Variants in APBA3 observed in about 807,000 individuals in gnomAD.
APBA3 encodes amyloid-beta A4 precursor protein-binding family A member 3.
In APBA3, 45 loss-of-function variants were observed where a neutral mutation model predicts 55.9. The observed-to-expected ratio is 0.80, with a 90% CI of 0.63 to 1.03. APBA3 has a LOEUF of 1.03. APBA3 is among the 50% of genes least tolerant of loss of function. The pLI is 0.00. For synonymous variants in APBA3, 370 were observed against 353.3 expected (o/e 1.05, Z -0.53); for missense variants, 865 against 820.3 (o/e 1.05, Z -0.67).
At position 3,759,871 on chromosome 19, in the gene APBA3, G is replaced by C. The variant is rs1307311144; in HGVS notation, c.394C>G (p.Leu132Val). The C allele has an allele frequency of 6.2e-7, 1 of 1,612,530 alleles. No individual in the cohort carries two copies. Among genetic ancestry groups the C allele is most frequent in the Non-Finnish European group, 8.5e-7 (1 of 1,179,804 alleles). ...PPSQTGPEEP[L>V]EPAPRLLQPP... ...TGCAACAGTCGGGGGGCAGGCTCTAGAGGCTCTTCAGGACCAGTCTGGGAA... is the reference window on the plus strand; with the variant it reads ...TGCAACAGTCGGGGGGCAGGCTCTACAGGCTCTTCAGGACCAGTCTGGGAA... The change falls in exon 2 of 11, where the codon CTA (leucine) becomes GTA (valine). Residue 132 changes from leucine (L) to valine (V), a missense_variant. Leu to Val is a conservative substitution (Grantham distance 32, BLOSUM62 1). Coordinates refer to ENST00000316757, the MANE Select transcript of APBA3 (RefSeq NM_004886.4).
chr19:3,751,923 A>C, intron 8 of APBA3: 2 of 258,682 alleles, frequency 7.7e-6, no homozygotes, highest in Non-Finnish European at 7.4e-6. Context: ...GAGACTCAAA[A>C]ACATGGCCAG....
intron 8 of APBA3, chr19:3,751,788 C>T (rs1030844063): frequency 2.0e-5 from 11 of 543,586 alleles, no homozygotes; most frequent in Admixed American, 1.5e-4. Context: ...AGCCGACAGC[C>T]GGGCTCTCCA....
At position 3,754,389 on chromosome 19, in the gene APBA3, G is replaced by T. The variant is rs1455990695; in HGVS notation, c.617-49C>A. 2.6e-6 allele frequency: 4 copies of T among 1,525,302 alleles called. No homozygotes were observed. The Admixed American group carries it at 7.3e-5, about 28-fold the overall frequency. The allele number at this position is 1,525,302 out of a possible 1,614,324, so 94.5% of individuals were successfully genotyped here. A position where few individuals can be genotyped will look rare whatever the true frequency, so the allele number is the denominator to read the frequency against. The stretch of plus-strand genomic sequence containing the variant: ...CGGCCCCCAGGGGCCCACTCCCACA[G>T]GCTCTGCCCCAGGGCTACGCTCTCC... On this transcript the variant is annotated intron_variant, in intron 3 of 10. Coordinates refer to ENST00000316757, the MANE Select transcript of APBA3 (RefSeq NM_004886.4).
rs1476296792 is a variant in APBA3, at chr19:3,751,227, C to T, written c.1618G>A (p.Ala540Thr). The T allele has an allele frequency of 4.5e-6, 7 of 1,549,068 alleles. No individual in the cohort carries two copies. The highest frequency in any genetic ancestry group is 5.2e-6 in the Non-Finnish European group (6 of 1,148,426). The stretch of plus-strand genomic sequence containing the variant: ...TCGGTGAGCAGCTCGATGATGCGGG[C>T]GTGTGGCGTGGCCACCACACTCTGC... ...NGQSVVATPH[A>T]RIIELLTEAY... is the part of the protein sequence containing the mutation. Residue 540 changes from alanine to threonine, a missense_variant, in exon 10 of 11, where the codon GCC (alanine) becomes ACC (threonine). Ala to Thr is a moderately conservative substitution (Grantham distance 58, BLOSUM62 0). Transcript: ENST00000316757.
chr19:3,753,976 G>A (rs370443318), intron 5 of APBA3, 43 bp downstream of exon 5: 261 of 1,580,248 alleles, frequency 1.7e-4, no homozygotes, highest in Non-Finnish European at 2.1e-4. Flanking sequence ...TGCCAGGCTC[G>A]ATCACCCCAC....
intron 8 of APBA3, among the ~76,000 whole-genome samples, chr19:3,752,214 A>C (rs991957400): frequency 6.6e-6 from 1 of 152,114 alleles, no homozygotes; most frequent in Non-Finnish European, 1.5e-5. Context: ...TGTCTCAAAC[A>C]AACAAACCCC....
chr19:3,761,318 T>A (rs2037143870), intron 1 of APBA3, among the ~76,000 whole-genome samples: 2 of 151,550 alleles, frequency 1.3e-5, no homozygotes, highest in Admixed American at 1.3e-4. Flanking sequence ...AATACCTCCA[T>A]CCAGAACTTT....
At chr19:3,760,705 C>G (rs913267928) in intron 1 of APBA3, among the ~76,000 whole-genome samples, 1 of 149,438 alleles carries the variant, frequency 6.7e-6, no homozygotes, top group African/African-American at 2.5e-5. Context: ...GCTGAGATCG[C>G]GCCATTGCAC....
intron 5 of APBA3, 44 bp from the exon 6 acceptor site, chr19:3,753,970 A>C (rs2037043560): frequency 6.4e-7 from 1 of 1,573,636 alleles, no homozygotes. Flanking sequence ...GGGCCGTGCC[A>C]GGCTCGATCA....
chr19:3,759,467 G>T (rs559967432), intron 3 of APBA3, 94 bp downstream of exon 3: 5 of 1,292,216 alleles, frequency 3.9e-6, no homozygotes, highest in Non-Finnish European at 5.4e-6. Context: ...CGAGAACCTC[G>T]TCCTTACTGG....
At position 3,750,923 on chromosome 19, in the gene APBA3, C is replaced by T. The variant is rs2036987651; in HGVS notation, c.*103G>A. 2.3e-6 allele frequency: 3 copies of T among 1,317,852 alleles called. No homozygotes were observed. Among genetic ancestry groups the T allele is most frequent in the Non-Finnish European group, 2.1e-6 (2 of 935,324 alleles). The allele number at this position is 1,317,852 out of a possible 1,614,324, so 81.6% of individuals were successfully genotyped here. ...ACTGTTTTTATATTAGGAAATCATA[C>T]AGGACCAAGAACCGCTGGGGTCCTG... On this transcript the variant is annotated 3_prime_UTR_variant, in exon 11 of 11. Transcript: ENST00000316757.
intron 8 of APBA3, 126 bp from the exon 9 acceptor site, chr19:3,751,679 G>T: frequency 1.8e-6 from 2 of 1,118,626 alleles, no homozygotes; most frequent in African/African-American, 1.6e-5. Context: ...AATTCTGGAA[G>T]ACCCCCTCAG....
Position 3,759,852 on chromosome 19 carries a change from A to G in APBA3, c.413T>C (p.Leu138Pro). ...PEEPLEPAPR[L>P]LQPPEDPDED... is the part of the protein sequence containing the mutation. Reference sequence around the variant, plus strand: ...ATCTGGGTCCTCAGGGGGCTGCAACAGTCGGGGGGCAGGCTCTAGAGGCTC... The same window carrying G: ...ATCTGGGTCCTCAGGGGGCTGCAACGGTCGGGGGGCAGGCTCTAGAGGCTC... Residue 138 changes from leucine to proline, a missense_variant, in exon 2 of 11, where the codon CTG (leucine) becomes CCG (proline). Leu to Pro is a moderately conservative substitution (Grantham distance 98). Coordinates refer to ENST00000316757, the MANE Select transcript of APBA3 (RefSeq NM_004886.4). The G allele has an allele frequency of 6.2e-7, 1 of 1,612,426 alleles. No individual in the cohort carries two copies. Among genetic ancestry groups the G allele is most frequent in the East Asian group, 2.2e-5 (1 of 44,858 alleles).
At chr19:3,755,360 G>C (rs528933498) in intron 3 of APBA3, 1 of 152,204 alleles carries the variant, frequency 6.6e-6, no homozygotes, top group African/African-American at 2.4e-5. Context: ...TGTGGTTCTA[G>C]AATCTCCTTC....
rs767017339 is a variant in APBA3, at chr19:3,754,284, A to C, written c.673T>G (p.Tyr225Asp). 1.3e-6 allele frequency: 2 copies of C among 1,551,204 alleles called. No homozygotes were observed. Among genetic ancestry groups the C allele is most frequent in the Non-Finnish European group, 1.7e-6 (2 of 1,148,814 alleles). Reference protein sequence around the residue: ...LLDGVIFGARYLGSTQLVSER... With the variant: ...LLDGVIFGARDLGSTQLVSER... ...GACACCAGCTGGGTGGACCCCAGGT[A>C]CCTGGCCCCAAATATGACACCGTCC... Residue 225 changes from tyrosine to aspartate, a missense_variant, in exon 4 of 11, where the codon TAC becomes GAC. By Grantham distance (160) the Tyr-to-Asp change is radical. Coordinates refer to ENST00000316757, the MANE Select transcript of APBA3 (RefSeq NM_004886.4).
At chr19:3,754,365 G>A (rs770581777) in intron 3 of APBA3, 25 bp from the exon 4 acceptor site, 170 of 1,539,822 alleles carry the variant, frequency 1.1e-4, no homozygotes, top group Non-Finnish European at 1.4e-4. Context: ...GAAGAGGGTC[G>A]GCCCCCAGGG....
chr19:3,751,139 CT>C (rs2036992942), intron 10 of APBA3, 42 bp from the exon 11 acceptor site: 2 of 1,558,206 alleles, frequency 1.3e-6, no homozygotes, highest in African/African-American at 2.7e-5. Context: ...CAGGCCTGGG[CT>C]CGTGGGGGAC....
chr19:3,761,563 G>C lies in APBA3; in HGVS notation c.-65C>G, dbSNP rs1378499576. 1 of 152,444 alleles carries C rather than the reference G, an allele frequency of 6.6e-6. No homozygotes were observed. The highest frequency in any genetic ancestry group is 2.4e-5 in the African/African-American group (1 of 41,444). 9.4% of individuals were successfully genotyped at this position (152,444 alleles called of 1,614,324 possible). The stretch of plus-strand genomic sequence containing the variant: ...CCCAAATCGAGGCCGCCTCAGCCCC[G>C]CGCAGCCTCCAGGACCCCGCTCCCC... On this transcript the variant is annotated 5_prime_UTR_variant, in exon 1 of 11. Transcript: ENST00000316757.
intron 8 of APBA3, 41 bp from the exon 9 acceptor site, chr19:3,751,594 A>C: frequency 1.3e-6 from 2 of 1,553,594 alleles, no homozygotes; most frequent in South Asian, 2.4e-5. Flanking sequence ...GCTGCCGGAC[A>C]GCCTGGCAGG....
Sources: gnomAD v4.1 joint callset for allele counts (sites outside exome capture counted in the v4.1 genomes callset) on GRCh38, gnomAD v4.1.1 for gene constraint, MANE v1.5 for transcripts, NCBI Gene and HGNC (gene_info 2026-07-23, HGNC 2026-07-21) for gene names.